The following PTPRN2 variants were observed in gnomAD, a reference collection of about 807,000 sequenced individuals.
The protein encoded by PTPRN2 is receptor-type tyrosine-protein phosphatase N2.
PTPRN2 carries 74 observed loss-of-function variants against 118.8 expected under a neutral mutation model. The ratio of observed to expected loss-of-function variants is 0.62; its 90% CI spans 0.52 to 0.76. PTPRN2 has a LOEUF of 0.76. Ranked by LOEUF, PTPRN2 falls within the 30% of genes least tolerant of loss-of-function variation. The probability of loss-of-function intolerance (pLI) is 0.00; values close to 1 mark genes in which losing one functional copy is unlikely to be tolerated. For synonymous variants in PTPRN2, 641 were observed against 608.0 expected (o/e 1.05, Z -0.80); for missense variants, 1,481 against 1,394.4 (o/e 1.06, Z -0.99).
At chr7:158,357,881 A>G (rs1412978538) in intron 2 of PTPRN2, among the ~76,000 whole-genome samples, 2 of 152,112 alleles carry the variant, frequency 1.3e-5, no homozygotes, top group South Asian at 2.1e-4. Flanking sequence ...CCGTCCCACC[A>G]CCAACTAGAG....
intron 2 of PTPRN2, among the ~76,000 whole-genome samples, chr7:158,337,039 A>C: frequency 1.4e-5 from 1 of 69,180 alleles, no homozygotes; most frequent in Admixed American, 1.3e-4. Flanking sequence ...CACAGACATC[A>C]CTCACACCCA....
rs140791370 is a variant in PTPRN2, at chr7:157,710,638, C to T, written c.1789-27701G>A. On this transcript the variant is annotated intron_variant, in intron 12 of 22. Coordinates refer to ENST00000389418, the MANE Select transcript of PTPRN2 (RefSeq NM_002847.5). ...AGCTCCCAGATGTCCCCTGGGGGGA[C>T]ATCTCTTCCGGAGGATCTTTAGGGT... Among the ~76,000 whole-genome samples the T allele has an allele frequency of 3.3e-3, 507 of 152,266 alleles. 4 individuals carry two copies. The highest frequency in any genetic ancestry group is 0.012 in the African/African-American group (486 of 41,564).
chr7:157,994,553 A>AAATCAAC (rs1554509678), intron 11 of PTPRN2, among the ~76,000 whole-genome samples: 1 of 143,078 alleles, frequency 7.0e-6, no homozygotes, highest in African/African-American at 2.6e-5. Flanking sequence ...TCCTAAAATC[A>AAATCAAC]GCACCGCGTC....
chr7:157,850,804 A>C (rs1282527777), intron 12 of PTPRN2, among the ~76,000 whole-genome samples: 2 of 152,210 alleles, frequency 1.3e-5, no homozygotes, highest in Admixed American at 1.3e-4. Context: ...TGACGGGAGA[A>C]ACCAACTTTA....
At chr7:158,174,989 C>T (rs2150632046) in intron 5 of PTPRN2, among the ~76,000 whole-genome samples, 1 of 152,300 alleles carries the variant, frequency 6.6e-6, no homozygotes, top group East Asian at 1.9e-4. Flanking sequence ...CCCAAAGGCA[C>T]AATTATGAGT....
intron 3 of PTPRN2, among the ~76,000 whole-genome samples, chr7:158,266,857 A>C (rs1483052768): frequency 6.6e-6 from 1 of 152,254 alleles, no homozygotes; most frequent in Non-Finnish European, 1.5e-5. Flanking sequence ...CTGCACAAAC[A>C]GGAAAGTGGG....
intron 11 of PTPRN2, among the ~76,000 whole-genome samples, chr7:157,920,910 G>T (rs1360887021): frequency 1.3e-5 from 2 of 152,142 alleles, no homozygotes; most frequent in African/African-American, 4.8e-5. Flanking sequence ...CAACTGATAG[G>T]CAGGACTTCA....
Position 157,583,249 on chromosome 7 carries a change from T to A in PTPRN2, c.2497-5109A>T, listed in dbSNP as rs1217809714. Among the ~76,000 whole-genome samples, 1 of 151,920 alleles carries A rather than the reference T, an allele frequency of 6.6e-6. No homozygotes were observed. The highest frequency in any genetic ancestry group is 2.4e-5 in the African/African-American group (1 of 41,354). On this transcript the variant is annotated intron_variant, in intron 17 of 22. Transcript: ENST00000389418. The surrounding 1 kb of genome is among the most constrained non-coding windows in gnomAD (Gnocchi z 5.5). ...AAGGACAGGCACCCCATGATCTCAC[T>A]CACATGTGGCACCTAAAAAGGACGA...
intron 12 of PTPRN2, among the ~76,000 whole-genome samples, chr7:157,699,679 T>C (rs1469276559): frequency 6.6e-6 from 1 of 152,204 alleles, no homozygotes; most frequent in African/African-American, 2.4e-5. Flanking sequence ...CTGCCCACCT[T>C]GAGCCTCCCA....
intron 2 of PTPRN2, among the ~76,000 whole-genome samples, chr7:158,400,555 C>T (rs1472728363): frequency 1.3e-5 from 2 of 152,132 alleles, no homozygotes; most frequent in African/African-American, 4.8e-5. Flanking sequence ...CATTATGAAG[C>T]CAACACACAT....
chr7:158,202,108 G>C (rs534737906), intron 4 of PTPRN2, among the ~76,000 whole-genome samples: 2 of 152,274 alleles, frequency 1.3e-5, no homozygotes, highest in Admixed American at 6.5e-5. Flanking sequence ...TCACACAACA[G>C]TGTAAGCATA....
chr7:158,529,384 G>T lies in PTPRN2; in HGVS notation c.113-39599C>A, dbSNP rs954368124. On this transcript the variant is annotated intron_variant, in intron 1 of 22. Coordinates refer to ENST00000389418, the MANE Select transcript of PTPRN2 (RefSeq NM_002847.5). This position sits in a 1 kb window ranked among gnomAD's most constrained non-coding sequence, Gnocchi z 4.7. ...TTGGCTGTGTCGGCAGAGGAAGGTG[G>T]GAAGGCCCAGGGGAGGCCAGCAGGA... 4.6e-5 allele frequency among the ~76,000 whole-genome samples: 7 copies of T among 152,188 alleles called. No individual in the cohort carries two copies. Among genetic ancestry groups the T allele is most frequent in the African/African-American group, 1.7e-4 (7 of 41,436 alleles).
At chr7:157,755,001 T>A (rs1424915823) in intron 12 of PTPRN2, among the ~76,000 whole-genome samples, 1 of 152,158 alleles carries the variant, frequency 6.6e-6, no homozygotes, top group African/African-American at 2.4e-5. Context: ...TCCTCCCACC[T>A]CAGCCTCCTG....
In PTPRN2 at chr7:158,438,931, CAA is replaced by C. The variant is rs769106911; in HGVS notation, c.163+50802_163+50803del. 6.6e-5 allele frequency among the ~76,000 whole-genome samples: 10 copies of C among 152,190 alleles called. No individual in the cohort carries two copies. The highest frequency in any genetic ancestry group is 1.3e-4 in the Non-Finnish European group (9 of 68,038). ...GGGCAAACCTGCCTCCCATTCTGTT[CAA>C]AGTCACCCCTCTGAGGCTGCCCTGA... On this transcript the variant is annotated intron_variant, in intron 2 of 22. Coordinates refer to ENST00000389418, the MANE Select transcript of PTPRN2 (RefSeq NM_002847.5). The surrounding 1 kb of genome is among the most constrained non-coding windows in gnomAD (Gnocchi z 4.7).
At chr7:158,150,859 G>C (rs1390358418) in intron 6 of PTPRN2, among the ~76,000 whole-genome samples, 1 of 151,968 alleles carries the variant, frequency 6.6e-6, no homozygotes, top group Non-Finnish European at 1.5e-5. Flanking sequence ...CCTCCTTTCT[G>C]TTCTTCCAAC....
chr7:157,955,131 G>C (rs911429877), intron 11 of PTPRN2, among the ~76,000 whole-genome samples: 1 of 152,140 alleles, frequency 6.6e-6, no homozygotes, highest in African/African-American at 2.4e-5. Flanking sequence ...CAGGTACCAG[G>C]AGCAGCACAC....
intron 21 of PTPRN2, among the ~76,000 whole-genome samples, chr7:157,557,089 C>T (rs1002037942): frequency 1.1e-4 from 17 of 151,620 alleles, no homozygotes; most frequent in African/African-American, 3.9e-4. Flanking sequence ...CACACACACA[C>T]AGATATACAC....
In PTPRN2 at chr7:157,550,799, C is replaced by A. The variant is rs1191765690; in HGVS notation, c.2903-1780G>T. 6.6e-6 allele frequency among the ~76,000 whole-genome samples: 1 copy of A among 152,228 alleles called. No homozygotes were observed. The highest frequency in any genetic ancestry group is 1.9e-4 in the East Asian group (1 of 5,196). ...GCCACCAGGGAACTAGCTGGCAGCT[C>A]ACGCGGGTGGAAGGCGGGGTCAGGT... On this transcript the variant is annotated intron_variant, in intron 21 of 22. Transcript: ENST00000389418. This position sits in a 1 kb window ranked among gnomAD's most constrained non-coding sequence, Gnocchi z 5.2.
chr7:157,940,040 C>T (rs1413586896), intron 11 of PTPRN2, among the ~76,000 whole-genome samples: 5 of 152,144 alleles, frequency 3.3e-5, no homozygotes, highest in Non-Finnish European at 7.4e-5. Context: ...AGGAAGGCGT[C>T]GCTGCATGGG....
Sources: allele counts gnomAD v4.1 joint callset (sites outside exome capture counted in the v4.1 genomes callset), GRCh38; gene constraint gnomAD v4.1.1; non-coding constraint Gnocchi (gnomAD v3.1); transcripts MANE v1.5; gene names NCBI Gene and HGNC (gene_info 2026-07-23, HGNC 2026-07-21).